MTMR9: variants seen among roughly 807,000 people sequenced by gnomAD.
MTMR9 encodes myotubularin-related protein 9.
A neutral mutation model predicts 69.5 loss-of-function variants in MTMR9; 39 were observed. The observed-to-expected ratio is 0.56, with a 90% CI of 0.43 to 0.73. The LOEUF (loss-of-function observed/expected upper bound fraction) is 0.73. Ranked by LOEUF, MTMR9 falls within the 30% of genes least tolerant of loss-of-function variation. MTMR9 has a pLI of 0.00. For synonymous variants in MTMR9, 354 were observed against 240.8 expected (o/e 1.47, Z -4.35); for missense variants, 900 against 671.2 (o/e 1.34, Z -3.77).
At chr8:11,331,989 A>T (rs752967422), downstream of MTMR9, 4 of 1,611,700 alleles carry the variant, frequency 2.5e-6, no homozygotes, top group Admixed American at 1.7e-5. Flanking sequence ...TGTGGCCCTT[A>T]TACTGCAGTA....
the MTMR9 span, among the ~76,000 whole-genome samples, chr8:11,338,557 G>A: frequency 6.6e-6 from 1 of 152,196 alleles, no homozygotes; most frequent in East Asian, 1.9e-4. Context: ...AAGCTGGAAT[G>A]GTGACCAGGG....
intron 7 of MTMR9, 57 bp downstream of exon 7, chr8:11,315,121 T>A: frequency 6.3e-7 from 1 of 1,579,416 alleles, no homozygotes. Flanking sequence ...TGATCCTGCT[T>A]TGTGTGGTAG....
Position 11,326,569 on chromosome 8 carries a change from AGATT to A in MTMR9, c.*3782_*3785del, listed in dbSNP as rs1312691330. 1 of 152,230 alleles carries A rather than the reference AGATT, an allele frequency of 6.6e-6. No homozygotes were observed. The highest frequency in any genetic ancestry group is 1.5e-5 in the Non-Finnish European group (1 of 68,048). The allele number at this position is 152,230 out of a possible 1,614,324, so 9.4% of individuals were successfully genotyped here. ...TTTATACTATACCTCAAGACCACAT[AGATT>A]AGCTACTGCTTATTCTTTCACATGG... On this transcript the variant is annotated 3_prime_UTR_variant, in exon 10 of 10. Coordinates refer to ENST00000221086, the MANE Select transcript of MTMR9 (RefSeq NM_015458.4).
chr8:11,330,140 C>T (rs868617651), downstream of MTMR9, among the ~76,000 whole-genome samples: 254 of 150,608 alleles, frequency 1.7e-3, no homozygotes, highest in Non-Finnish European at 2.3e-3. Context: ...CAGCCCCGTC[C>T]GGGAGGGAGG....
intron 6 of MTMR9, among the ~76,000 whole-genome samples, chr8:11,310,567 A>G (rs1030410345): frequency 1.3e-5 from 2 of 152,238 alleles, no homozygotes; most frequent in Non-Finnish European, 2.9e-5. Flanking sequence ...CTTGGGGTCA[A>G]GATTGCCAGG....
At chr8:11,331,384 C>A (rs779417575), downstream of MTMR9, 1 of 1,613,848 alleles carries the variant, frequency 6.2e-7, no homozygotes, top group Admixed American at 1.7e-5. Context: ...CGTGGCGACC[C>A]CCTTCTGGGA....
intron 2 of MTMR9, among the ~76,000 whole-genome samples, chr8:11,298,346 G>A (rs1799628328): frequency 6.6e-6 from 1 of 152,034 alleles, no homozygotes; most frequent in Non-Finnish European, 1.5e-5. Context: ...TCTGTTTGGT[G>A]TGATTGGCAG....
At chr8:11,332,144 G>T (rs753815403), downstream of MTMR9, 323 of 1,611,442 alleles carry the variant, frequency 2.0e-4, no homozygotes, top group Admixed American at 3.0e-4. Flanking sequence ...GGGAGCCCGG[G>T]GGTTGGGAGG....
intron 1 of MTMR9, among the ~76,000 whole-genome samples, chr8:11,287,211 A>G (rs1799194357): frequency 6.6e-6 from 1 of 152,224 alleles, no homozygotes; most frequent in African/African-American, 2.4e-5. Context: ...GAAACAAAAG[A>G]AGGATTGACC....
chr8:11,301,967 A>G (rs997947527), intron 3 of MTMR9, among the ~76,000 whole-genome samples: 2 of 152,120 alleles, frequency 1.3e-5, no homozygotes, highest in Non-Finnish European at 2.9e-5. Flanking sequence ...AGGATAAAAG[A>G]TGATAGAGGC....
chr8:11,329,719 C>T (rs989560402), downstream of MTMR9, among the ~76,000 whole-genome samples: 2 of 152,252 alleles, frequency 1.3e-5, no homozygotes, highest in African/African-American at 2.4e-5. Context: ...AGATTGCAGC[C>T]TCTGCCCGGC....
intron 2 of MTMR9, chr8:11,297,781 T>G (rs1799612171): frequency 2.2e-6 from 1 of 445,474 alleles, no homozygotes; most frequent in African/African-American, 2.0e-5. Context: ...CCCTTAGGAC[T>G]GAAAAGAAGC....
In MTMR9 at chr8:11,322,610, T is replaced by C; in HGVS notation, c.1487-15T>C. On this transcript the variant is annotated splice_polypyrimidine_tract_variant and intron_variant, in intron 9 of 9. Transcript: ENST00000221086. ...TACCTTTCTTGCTTCTGTTTTCCATTCCTGGATTCAATAGGTATTTTCCTA... is the reference window on the plus strand; with the variant it reads ...TACCTTTCTTGCTTCTGTTTTCCATCCCTGGATTCAATAGGTATTTTCCTA... 1 of 1,611,042 alleles carries C rather than the reference T, an allele frequency of 6.2e-7. No homozygotes were observed. Among genetic ancestry groups the C allele is most frequent in the Non-Finnish European group, 8.5e-7 (1 of 1,178,278 alleles).
intron 1 of MTMR9, among the ~76,000 whole-genome samples, chr8:11,292,040 T>C (rs1465499994): frequency 6.6e-6 from 1 of 152,166 alleles, no homozygotes; most frequent in East Asian, 1.9e-4. Context: ...CCTTTCGTAA[T>C]CCCTTCCTTC....
chr8:11,286,171 C>G (rs906737647), intron 1 of MTMR9, among the ~76,000 whole-genome samples: 1 of 151,610 alleles, frequency 6.6e-6, no homozygotes, highest in Non-Finnish European at 1.5e-5. Flanking sequence ...CCAGGCTGGT[C>G]TTGAACTCCT....
intron 1 of MTMR9, among the ~76,000 whole-genome samples, chr8:11,285,865 T>G (rs1168403675): frequency 2.0e-5 from 3 of 152,124 alleles, no homozygotes; most frequent in Non-Finnish European, 4.4e-5. Context: ...GACAACATTT[T>G]CTATTGCCTC....
At chr8:11,321,473 T>C (rs1425144884) in intron 9 of MTMR9, 6 of 456,418 alleles carry the variant, frequency 1.3e-5, no homozygotes, top group African/African-American at 2.0e-5. Context: ...TGAAGGATGA[T>C]TTAATTGCTT....
intron 3 of MTMR9, among the ~76,000 whole-genome samples, chr8:11,302,591 C>G (rs935332255): frequency 6.6e-6 from 1 of 152,050 alleles, no homozygotes; most frequent in African/African-American, 2.4e-5. Flanking sequence ...TTTATTTAAT[C>G]TGATAAAGGA....
intron 3 of MTMR9, among the ~76,000 whole-genome samples, chr8:11,300,946 T>C (rs1019856637): frequency 2.0e-5 from 3 of 152,202 alleles, no homozygotes; most frequent in Non-Finnish European, 4.4e-5. Flanking sequence ...TTGCAGGTCA[T>C]GTGGTCTCTG....
Sources: allele counts gnomAD v4.1 joint callset (sites outside exome capture counted in the v4.1 genomes callset), GRCh38; gene constraint gnomAD v4.1.1; transcripts MANE v1.5; gene names NCBI Gene and HGNC (gene_info 2026-07-23, HGNC 2026-07-21).